Variants in FEZ1 observed in about 807,000 individuals in gnomAD.
The protein encoded by FEZ1 is fasciculation and elongation protein zeta 1, also known as fasciculation and elongation protein zeta-1.
Under a neutral mutation model 49.3 loss-of-function variants are expected in FEZ1, and 20 were observed. That is an observed-to-expected ratio of 0.41 (90% CI 0.29 to 0.59). FEZ1 has a LOEUF of 0.59. FEZ1 is among the 20% of genes least tolerant of loss of function. The pLI, the probability that FEZ1 is intolerant of heterozygous loss-of-function variation, is 0.36. For synonymous variants in FEZ1, 170 were observed against 180.9 expected, an observed-to-expected ratio of 0.94 and a Z score of 0.48; for missense variants, 413 against 476.0, an observed-to-expected ratio of 0.87 and a Z score of 1.23.
chr11:125,493,489 G>GGAAAGA (rs1565307277), intron 1 of FEZ1, among the ~76,000 whole-genome samples: 2 of 49,734 alleles, frequency 4.0e-5, no homozygotes, highest in African/African-American at 1.7e-4. Context: ...AAGGAAAGAA[G>GGAAAGA]GAAAGAAAGA....
chr11:125,493,362 A>AAAAGAAAGAAAGAAAAG (rs1787831503), intron 1 of FEZ1, among the ~76,000 whole-genome samples: 1 of 49,534 alleles, frequency 2.0e-5, no homozygotes, highest in African/African-American at 8.1e-5. Flanking sequence ...AGAAAGAGAG[A>AAAAGAAAGAAAGAAAAG]AAAGAAAGAA....
rs554365320 is a variant in FEZ1 at position 125,483,794 on chromosome 11, G to T, written c.312-2161C>A. 5.3e-5 allele frequency among the ~76,000 whole-genome samples: 8 copies of T among 152,310 alleles called. No individual in the cohort carries two copies. In the South Asian group the frequency reaches 1.7e-3, roughly 32 times the overall value. On this transcript the variant is annotated intron_variant, in intron 2 of 9. Coordinates refer to ENST00000278919, the MANE Select transcript of FEZ1 (RefSeq NM_005103.5). ...TGTATCTCTCCCAGGCTGGAGGGAA[G>T]CTGAGAACTTTAACGAGCTACACAC...
chr11:125,446,115 C>A lies in FEZ1; in HGVS notation c.1163-4G>T. Reference sequence around the variant, plus strand: ...CAAGGTTAGGTAGGGCAGAGCACTGCAACGAGAAGAGAGGAGGGGAGAGCG... The same window carrying A: ...CAAGGTTAGGTAGGGCAGAGCACTGAAACGAGAAGAGAGGAGGGGAGAGCG... On this transcript the variant is annotated splice_polypyrimidine_tract_variant and splice_region_variant and intron_variant, in intron 9 of 9. Transcript: ENST00000278919. The A allele has an allele frequency of 6.2e-7, 1 of 1,613,910 alleles. No homozygotes were observed. The highest frequency in any genetic ancestry group is 1.1e-5 in the South Asian group (1 of 91,072).
At chr11:125,452,626 G>C in intron 7 of FEZ1, 1 of 531,956 alleles carries the variant, frequency 1.9e-6, no homozygotes, top group East Asian at 3.0e-5. Flanking sequence ...CCAACTTCTA[G>C]ATTCTTCCTA....
In FEZ1 at chr11:125,489,823, C is replaced by G; in HGVS notation, c.-45-1G>C. The G allele has an allele frequency of 6.6e-7, 1 of 1,513,722 alleles. No individual in the cohort carries two copies. Among genetic ancestry groups the G allele is most frequent in the Non-Finnish European group, 8.8e-7 (1 of 1,132,818 alleles). The allele number at this position is 1,513,722 out of a possible 1,614,324, so 93.8% of individuals were successfully genotyped here. A position where few individuals can be genotyped will look rare whatever the true frequency, so the allele number is the denominator to read the frequency against. ...ACAGCGACTTTCAGGATGAGTTTAT[C>G]TAAAAGAAATGAACAGCGTAATGTG... On this transcript the variant is annotated splice_acceptor_variant, in intron 1 of 9. Coordinates refer to ENST00000278919, the MANE Select transcript of FEZ1 (RefSeq NM_005103.5). LOFTEE classifies it low-confidence loss of function (5UTR_SPLICE). This position sits in a 1 kb window ranked among gnomAD's most constrained non-coding sequence, Gnocchi z 4.2.
chr11:125,479,019 C>G (rs867057456), intron 3 of FEZ1, among the ~76,000 whole-genome samples: 1 of 152,140 alleles, frequency 6.6e-6, no homozygotes, highest in Non-Finnish European at 1.5e-5. Context: ...AAGTACTAAG[C>G]ATCATACCTG....
At chr11:125,479,789 C>T (rs1028757017) in intron 3 of FEZ1, among the ~76,000 whole-genome samples, 1 of 152,130 alleles carries the variant, frequency 6.6e-6, no homozygotes. Context: ...CTTGGACTTC[C>T]CTGCCACCAG....
chr11:125,459,046 A>G (rs1957046773), intron 5 of FEZ1, among the ~76,000 whole-genome samples: 1 of 152,140 alleles, frequency 6.6e-6, no homozygotes, highest in African/African-American at 2.4e-5. Context: ...AGCCTGGGCA[A>G]CAGAGCAAGA....
In FEZ1 at chr11:125,493,334, C is replaced by CAAGAAAGA. The variant is rs201528813; in HGVS notation, c.-46+2779_-46+2786dup. On this transcript the variant is annotated intron_variant, in intron 1 of 9. Transcript: ENST00000278919. ...GGGCAACAAGAGCGAAACTCCATCT[C>CAAGAAAGA]AAGAAAGAAAGAAAGAAAGAAAGAG... 5.6e-4 allele frequency among the ~76,000 whole-genome samples: 54 copies of CAAGAAAGA among 95,870 alleles called. 2 individuals carry two copies. The highest frequency in any genetic ancestry group is 5.1e-3 in the South Asian group (15 of 2,918). 62.9% of individuals were successfully genotyped at this position (95,870 alleles called of 152,430 possible).
At chr11:125,474,292 C>A (rs757165365) in intron 3 of FEZ1, among the ~76,000 whole-genome samples, 7 of 150,822 alleles carry the variant, frequency 4.6e-5, no homozygotes, top group Non-Finnish European at 1.0e-4. Context: ...CCCACCTTGG[C>A]CTCCCAAAGT....
At chr11:125,487,936 G>A (rs967880817) in intron 2 of FEZ1, among the ~76,000 whole-genome samples, 2 of 152,136 alleles carry the variant, frequency 1.3e-5, no homozygotes, top group African/African-American at 4.8e-5. Context: ...CAATCCTCTA[G>A]GACGTGCCTC....
At chr11:125,485,706 C>T (rs1009014951) in intron 2 of FEZ1, among the ~76,000 whole-genome samples, 3 of 150,200 alleles carry the variant, frequency 2.0e-5, no homozygotes, top group Non-Finnish European at 3.0e-5. Context: ...GAGGCTGAGG[C>T]GGGTGGATTG....
intron 8 of FEZ1, among the ~76,000 whole-genome samples, chr11:125,451,970 A>T (rs1183629638): frequency 6.6e-6 from 1 of 152,224 alleles, no homozygotes; most frequent in African/African-American, 2.4e-5. Flanking sequence ...CCGACCAGGC[A>T]ACCTCAAGTT....
chr11:125,454,349 T>G, intron 6 of FEZ1, 139 bp from the exon 7 acceptor site: 1 of 543,010 alleles, frequency 1.8e-6, no homozygotes, highest in South Asian at 2.8e-5. Context: ...GACACTGGCT[T>G]ACAGAGACAG....
At chr11:125,465,712 G>A (rs1189572491) in intron 3 of FEZ1, among the ~76,000 whole-genome samples, 1 of 150,432 alleles carries the variant, frequency 6.6e-6, no homozygotes, top group Admixed American at 6.6e-5. Context: ...CTCTATGTGC[G>A]GGTTACCCCC....
intron 3 of FEZ1, among the ~76,000 whole-genome samples, chr11:125,468,833 G>T (rs1957157749): frequency 6.6e-6 from 1 of 152,162 alleles, no homozygotes; most frequent in South Asian, 2.1e-4. Context: ...AGGAAGATTT[G>T]CTGGTATTCT....
rs1591609497 is a variant in FEZ1 at position 125,495,793 on chromosome 11, CACGCGG to C, written c.-46+322_-46+327del. 1.3e-5 allele frequency: 4 copies of C among 316,808 alleles called. No homozygotes were observed. In the East Asian group the frequency reaches 2.5e-4, roughly 20 times the overall value. The allele number at this position is 316,808 out of a possible 1,614,324, so 19.6% of individuals were successfully genotyped here. A position where few individuals can be genotyped will look rare whatever the true frequency, so the allele number is the denominator to read the frequency against. On this transcript the variant is annotated intron_variant, in intron 1 of 9. Coordinates refer to ENST00000278919, the MANE Select transcript of FEZ1 (RefSeq NM_005103.5). This position sits in a 1 kb window ranked among gnomAD's most constrained non-coding sequence, Gnocchi z 4.2. ...ACGCGCGCACACACGCGGGCACACA[CACGCGG>C]ACACACACACACACACACACACACA...
At position 125,493,095 on chromosome 11, in the gene FEZ1, GGT is replaced by G. The variant is rs1272128629; in HGVS notation, c.-46+3024_-46+3025del. 6.6e-5 allele frequency among the ~76,000 whole-genome samples: 10 copies of G among 151,986 alleles called. No homozygotes were observed. In the East Asian group the frequency reaches 1.9e-3, roughly 29 times the overall value. ...TAATCCCAGCACTTTGGGAGGCTGAGGTGCGTGGATCACCTGAGGTCAGGAGT... is the reference window on the plus strand; with the variant it reads ...TAATCCCAGCACTTTGGGAGGCTGAGGCGTGGATCACCTGAGGTCAGGAGT... On this transcript the variant is annotated intron_variant, in intron 1 of 9. Coordinates refer to ENST00000278919, the MANE Select transcript of FEZ1 (RefSeq NM_005103.5).
intron 9 of FEZ1, among the ~76,000 whole-genome samples, chr11:125,447,045 A>C (rs1956905378): frequency 6.6e-6 from 1 of 152,162 alleles, no homozygotes; most frequent in African/African-American, 2.4e-5. Flanking sequence ...GTGTGCATGC[A>C]GGACAAAAAA....
Sources: gnomAD v4.1 joint callset for allele counts (sites outside exome capture counted in the v4.1 genomes callset) on GRCh38, gnomAD v4.1.1 for gene constraint, Gnocchi (gnomAD v3.1) non-coding constraint, MANE v1.5 for transcripts, NCBI Gene and HGNC (gene_info 2026-07-23, HGNC 2026-07-21) for gene names.